Variants in CNOT6 observed in about 807,000 individuals in gnomAD.
The protein encoded by CNOT6 is CCR4-NOT transcription complex subunit 6.
In CNOT6, 12 loss-of-function variants were observed where a neutral mutation model predicts 61.2. That is an observed-to-expected ratio of 0.20 (90% CI 0.13 to 0.32). CNOT6 has a LOEUF of 0.32. Ranked by LOEUF, CNOT6 falls within the 10% of genes least tolerant of loss-of-function variation. The probability of loss-of-function intolerance (pLI) is 1.00; values close to 1 mark genes in which losing one functional copy is unlikely to be tolerated. For missense variants in CNOT6, 405 were observed against 663.9 expected (o/e 0.61, Z 4.28); for synonymous variants, 225 against 240.6 (o/e 0.94, Z 0.60).
At chr5:180,550,691 G>T (rs2127744558) in intron 3 of CNOT6, among the ~76,000 whole-genome samples, 1 of 152,256 alleles carries the variant, frequency 6.6e-6, no homozygotes. Flanking sequence ...TGGGTAGACT[G>T]CAAGGTGCTT....
chr5:180,555,369 G>A (rs938400127), intron 4 of CNOT6, among the ~76,000 whole-genome samples: 3 of 152,160 alleles, frequency 2.0e-5, no homozygotes, highest in East Asian at 1.9e-4. Flanking sequence ...TGCAGCAGTA[G>A]GGCAGTTCTT....
chr5:180,503,262 C>CT (rs66503357), intron 1 of CNOT6, among the ~76,000 whole-genome samples: 33,379 of 133,758 alleles, frequency 0.25, 5,054 homozygotes, highest in Middle Eastern at 0.38. Flanking sequence ...TTGTATTTTT[C>CT]TTTTTTTTTT....
chr5:180,561,352 T>A (rs2127757435), intron 4 of CNOT6, among the ~76,000 whole-genome samples: 1 of 117,598 alleles, frequency 8.5e-6, no homozygotes, highest in South Asian at 3.4e-4. Context: ...TTTTCTTGTG[T>A]GTTTTGTGTG....
At position 180,541,440 on chromosome 5, in the gene CNOT6, A is replaced by ATTTTTTTTTTTTTTTTTTTTTTTTTTTTT. The variant is rs1176286473; in HGVS notation, c.113-8491_113-8490insTTTTTTTTTTTTTTTTTTTTTTTTTTTTT. Among the ~76,000 whole-genome samples the ATTTTTTTTTTTTTTTTTTTTTTTTTTTTT allele has an allele frequency of 2.9e-5, 3 of 102,928 alleles. 1 individual carries two copies. The allele number at this position is 102,928 out of a possible 152,430, so 67.5% of individuals were successfully genotyped here. ...CATGAACCACCACAACTGGCCAAGA[A>ATTTTTTTTTTTTTTTTTTTTTTTTTTTTT]ATTTTTTTTTTTTTTTTTTTTTTTT... is the stretch of plus-strand genomic sequence containing the variant. On this transcript the variant is annotated intron_variant, in intron 2 of 11. Transcript: ENST00000261951.
chr5:180,499,901 T>G (rs1056968346), intron 1 of CNOT6, among the ~76,000 whole-genome samples: 1 of 152,140 alleles, frequency 6.6e-6, no homozygotes, highest in Non-Finnish European at 1.5e-5. Context: ...CATAATAAAC[T>G]GACTTAGCTG....
chr5:180,553,470 A>C lies in CNOT6; in HGVS notation c.384A>C (p.Lys128Asn). 6.2e-7 allele frequency: 1 copy of C among 1,609,268 alleles called. No individual in the cohort carries two copies. Among genetic ancestry groups the C allele is most frequent in the Non-Finnish European group, 8.5e-7 (1 of 1,175,816 alleles). Reference protein sequence around the residue: ...KLFQLQTLGLKGNPLTQDILN... With the variant: ...KLFQLQTLGLNGNPLTQDILN... ...TTCAGTTGCAGACTTTAGGCCTGAA[A>C]GGTATGACTTCCATATTTGTACTTC... The change falls in exon 4 of 12, where the codon AAA (lysine) becomes AAC (asparagine). Residue 128 changes from lysine (K) to asparagine (N), a missense_variant and splice_region_variant. By Grantham distance (94) the Lys-to-Asn change is moderately conservative. Around this residue, in one of 5 missense-constraint regions of CNOT6, gnomAD observed 212 missense variants for 307.1 expected, o/e 0.69. Coordinates refer to ENST00000261951, the MANE Select transcript of CNOT6 (RefSeq NM_001370472.1).
At chr5:180,554,139 C>T (rs532361631) in intron 4 of CNOT6, among the ~76,000 whole-genome samples, 15 of 152,198 alleles carry the variant, frequency 9.9e-5, no homozygotes, top group South Asian at 8.3e-4. Flanking sequence ...ACCCTTAGGC[C>T]GGGCACAGTG....
Position 180,565,879 on chromosome 5 carries a change from T to A in CNOT6, c.619T>A (p.Tyr207Asn). 3 of 1,613,864 alleles carry A rather than the reference T, an allele frequency of 1.9e-6. No individual in the cohort carries two copies. The highest frequency in any genetic ancestry group is 1.7e-6 in the Non-Finnish European group (2 of 1,179,760). The part of the protein sequence containing the change: ...LCDKYATRQL[Y>N]GYCPSWALNW... ...TGATAAATATGCGACCCGGCAGTTA[T>A]ACGGCTACTGTCCATCATGGGCGCT... The change falls in exon 7 of 12, where the codon TAC becomes AAC. Residue 207 changes from tyrosine to asparagine, a missense_variant. Tyr to Asn is a moderately radical substitution (Grantham distance 143). This residue lies in a region of CNOT6 where 212 missense variants were observed against 307.1 expected (regional missense o/e 0.69). Coordinates refer to ENST00000261951, the MANE Select transcript of CNOT6 (RefSeq NM_001370472.1).
intron 1 of CNOT6, among the ~76,000 whole-genome samples, chr5:180,501,676 A>G (rs562378470): frequency 1.3e-5 from 2 of 152,256 alleles, no homozygotes; most frequent in Non-Finnish European, 2.9e-5. Flanking sequence ...GCATATATGC[A>G]AGTGTGAAAC....
intron 3 of CNOT6, 67 bp downstream of exon 3, chr5:180,550,184 G>A: frequency 7.8e-7 from 1 of 1,277,818 alleles, no homozygotes; most frequent in Non-Finnish European, 1.1e-6. Flanking sequence ...GCCGGGCGCA[G>A]TGGCTTATGC....
At chr5:180,556,767 A>G (rs1293095458) in intron 4 of CNOT6, among the ~76,000 whole-genome samples, 1 of 152,198 alleles carries the variant, frequency 6.6e-6, no homozygotes, top group East Asian at 1.9e-4. Context: ...CCTGGCTAAC[A>G]TGGTGAAACC....
intron 1 of CNOT6, among the ~76,000 whole-genome samples, chr5:180,526,883 CTTTT>C (rs11366709): frequency 1.4e-5 from 2 of 138,392 alleles, no homozygotes; most frequent in Non-Finnish European, 3.2e-5. Flanking sequence ...AACCGTAAAA[CTTTT>C]TTTTTTTTTT....
intron 11 of CNOT6, among the ~76,000 whole-genome samples, chr5:180,571,766 A>G (rs1471806606): frequency 6.6e-6 from 1 of 152,038 alleles, no homozygotes; most frequent in Admixed American, 6.6e-5. Context: ...GGGTCTCGCT[A>G]TGCCCAGGCT....
At chr5:180,535,534 C>G (rs1758640087) in intron 2 of CNOT6, among the ~76,000 whole-genome samples, 1 of 152,212 alleles carries the variant, frequency 6.6e-6, no homozygotes, top group Non-Finnish European at 1.5e-5. Context: ...TATATATACA[C>G]TGCATTTTCT....
At chr5:180,525,137 G>A (rs752772469) in intron 1 of CNOT6, among the ~76,000 whole-genome samples, 34 of 152,100 alleles carry the variant, frequency 2.2e-4, no homozygotes, top group Non-Finnish European at 2.5e-4. Flanking sequence ...AGAAACTAAC[G>A]TATAAGACCA....
chr5:180,495,154 TGTGGAGTGTGGAGCTTCGCGCTCC>T (rs1756546709), intron 1 of CNOT6, among the ~76,000 whole-genome samples: 1 of 152,220 alleles, frequency 6.6e-6, no homozygotes, highest in Non-Finnish European at 1.5e-5. Flanking sequence ...TGGCGCGCTG[TGTGGAGTGTGGAGCTTCGCGCTCC>T]GTGGCCACAA....
At chr5:180,530,182 G>T (rs11249717) in intron 2 of CNOT6, among the ~76,000 whole-genome samples, 70,996 of 152,024 alleles carry the variant, frequency 0.47, 17,599 homozygotes, top group Non-Finnish European at 0.56. Flanking sequence ...AAATTTTGTC[G>T]TCTTTCACCT....
At chr5:180,549,483 A>G (rs1309429971) in intron 2 of CNOT6, among the ~76,000 whole-genome samples, 2 of 152,060 alleles carry the variant, frequency 1.3e-5, no homozygotes, top group Non-Finnish European at 2.9e-5. Context: ...CCCCGTCTCT[A>G]CTAAAAATAG....
At chr5:180,569,042 G>A (rs547528976) in intron 9 of CNOT6, 68 bp from the exon 10 acceptor site, 4 of 1,134,100 alleles carry the variant, frequency 3.5e-6, no homozygotes, top group African/African-American at 3.1e-5. Flanking sequence ...GCTTTCAGAC[G>A]CTGTAAGAAT....
Sources: gnomAD v4.1 joint callset for allele counts (sites outside exome capture counted in the v4.1 genomes callset) on GRCh38, gnomAD v4.1.1 for gene constraint, gnomAD v4.1.1 regional missense constraint, MANE v1.5 for transcripts, NCBI Gene and HGNC (gene_info 2026-07-23, HGNC 2026-07-21) for gene names.